Variants in ESRRG observed in about 807,000 individuals in gnomAD.
ESRRG encodes the protein estrogen-related receptor gamma.
ESRRG carries 13 observed loss-of-function variants against 44.0 expected under a neutral mutation model. The observed-to-expected ratio is 0.30, with a 90% CI of 0.19 to 0.47. ESRRG has a LOEUF of 0.47. ESRRG is among the 20% of genes least tolerant of loss of function. ESRRG has a pLI of 1.00. For synonymous variants in ESRRG, 215 were observed against 214.6 expected, an observed-to-expected ratio of 1.00 and a Z score of -0.02; for missense variants, 395 against 580.6, an observed-to-expected ratio of 0.68 and a Z score of 3.29.
At chr1:216,534,545 G>A (rs2050338389) in intron 5 of ESRRG, among the ~76,000 whole-genome samples, 1 of 152,242 alleles carries the variant, frequency 6.6e-6, no homozygotes, top group African/African-American at 2.4e-5. Context: ...ATGCTGAAAT[G>A]TAGGCAGGGA....
chr1:216,546,154 T>C (rs1164602603), intron 5 of ESRRG, among the ~76,000 whole-genome samples: 1 of 152,054 alleles, frequency 6.6e-6, no homozygotes, highest in Non-Finnish European at 1.5e-5. Flanking sequence ...GCGGCAGCTC[T>C]GGCCTCTACC....
At chr1:216,530,756 T>G (rs1359426869) in intron 5 of ESRRG, among the ~76,000 whole-genome samples, 1 of 152,242 alleles carries the variant, frequency 6.6e-6, no homozygotes, top group East Asian at 1.9e-4. Context: ...TTATAATTTC[T>G]GTACTGCCTT....
At chr1:216,664,572 A>T (rs2073385238) in intron 2 of ESRRG, among the ~76,000 whole-genome samples, 1 of 151,154 alleles carries the variant, frequency 6.6e-6, no homozygotes, top group Non-Finnish European at 1.5e-5. Context: ...TTACTTATGG[A>T]TAAGCCTAAG....
intron 5 of ESRRG, among the ~76,000 whole-genome samples, chr1:216,542,582 C>A (rs2053225727): frequency 6.6e-6 from 1 of 151,940 alleles, no homozygotes; most frequent in Admixed American, 6.6e-5. Flanking sequence ...TATTTTGTAG[C>A]ATTTGTTACA....
intron 2 of ESRRG, among the ~76,000 whole-genome samples, chr1:216,865,544 C>T (rs2096140381): frequency 6.6e-6 from 1 of 151,998 alleles, no homozygotes; most frequent in African/African-American, 2.4e-5. Context: ...GGTCTTTGTT[C>T]ATTTTTGTCT....
chr1:216,717,195 G>T (rs2152029247), intron 1 of ESRRG, among the ~76,000 whole-genome samples: 1 of 151,926 alleles, frequency 6.6e-6, no homozygotes, highest in African/African-American at 2.4e-5. Flanking sequence ...TTGAGTGGAA[G>T]ATACTTTTGG....
rs139425257 is a variant in ESRRG, at chr1:217,128,367, A to G, written c.-230+9300T>C. ...AGTTTTGTCTTAAAAATGTTTTGCA[A>G]TGATTTAGTTTCTCTGCTCTCTGAC... On this transcript the variant is annotated intron_variant, in intron 1 of 8. Transcript: ENST00000366940. Among the ~76,000 whole-genome samples the G allele has an allele frequency of 1.2e-3, 176 of 152,304 alleles. 1 individual carries two copies. Among genetic ancestry groups the G allele is most frequent in the African/African-American group, 3.5e-3 (146 of 41,560 alleles).
Position 216,723,214 on chromosome 1 carries a change from G to A in ESRRG, c.56+30C>T, listed in dbSNP as rs368328636. The A allele has an allele frequency of 1.0e-5, 16 of 1,562,890 alleles. No individual in the cohort carries two copies. The African/African-American group carries it at 1.8e-4, about 17-fold the overall frequency. On this transcript the variant is annotated intron_variant, in intron 1 of 6. Coordinates refer to ENST00000408911, the MANE Select transcript of ESRRG (RefSeq NM_001438.4). ...CCCCACCCCCGCACCCCCACGACGA[G>A]TTTAAAAAGGAAAGAAAAAAGGTAC...
At chr1:216,564,531 C>T (rs756600748) in intron 4 of ESRRG, 151 bp from the exon 5 acceptor site, 24 of 493,318 alleles carry the variant, frequency 4.9e-5, no homozygotes, top group Middle Eastern at 4.4e-4. Context: ...ATATATTAAA[C>T]GGTGTGCAGG....
intron 3 of ESRRG, among the ~76,000 whole-genome samples, chr1:216,611,706 G>C (rs897199175): frequency 2.0e-5 from 3 of 151,992 alleles, no homozygotes; most frequent in Admixed American, 6.6e-5. Context: ...AGAATCTACC[G>C]GGGGACTCTA....
At chr1:216,990,702 A>G (rs2075555627) in intron 1 of ESRRG, among the ~76,000 whole-genome samples, 1 of 152,338 alleles carries the variant, frequency 6.6e-6, no homozygotes, top group Admixed American at 6.5e-5. Flanking sequence ...TTTTCTTAAT[A>G]ACATTTTCTT....
At chr1:217,119,133 G>T (rs2092784019) in intron 1 of ESRRG, among the ~76,000 whole-genome samples, 1 of 152,164 alleles carries the variant, frequency 6.6e-6, no homozygotes, top group African/African-American at 2.4e-5. Context: ...AGAATAAAAA[G>T]AATTCTTATG....
intron 1 of ESRRG, among the ~76,000 whole-genome samples, chr1:216,960,331 A>G (rs1164398173): frequency 6.6e-6 from 1 of 152,272 alleles, no homozygotes; most frequent in East Asian, 1.9e-4. Context: ...CAAACTATCA[A>G]AGCTACCTGT....
intron 1 of ESRRG, among the ~76,000 whole-genome samples, chr1:216,680,559 A>G (rs1408606421): frequency 6.6e-6 from 1 of 152,224 alleles, no homozygotes; most frequent in Admixed American, 6.5e-5. Flanking sequence ...TGAAGGGGCC[A>G]CTGCGCTGGT....
chr1:216,531,771 G>T (rs2049434320), intron 5 of ESRRG, among the ~76,000 whole-genome samples: 1 of 152,014 alleles, frequency 6.6e-6, no homozygotes, highest in South Asian at 2.1e-4. Flanking sequence ...GGCAAATGTA[G>T]CTGCAGTTAA....
chr1:217,123,513 T>C (rs2092849359), intron 1 of ESRRG, among the ~76,000 whole-genome samples: 1 of 152,100 alleles, frequency 6.6e-6, no homozygotes, highest in Non-Finnish European at 1.5e-5. Flanking sequence ...CAAATGCTGA[T>C]CAATGATAGA....
intron 2 of ESRRG, among the ~76,000 whole-genome samples, chr1:216,873,645 C>T (rs1020850185): frequency 6.6e-6 from 1 of 151,786 alleles, no homozygotes; most frequent in African/African-American, 2.4e-5. Flanking sequence ...TTATCCTACT[C>T]AGCCACATAT....
intron 2 of ESRRG, among the ~76,000 whole-genome samples, chr1:216,896,104 A>G (rs546913059): frequency 6.6e-6 from 1 of 152,306 alleles, no homozygotes; most frequent in East Asian, 1.9e-4. Flanking sequence ...ATATACACAA[A>G]TTCTCTCCCA....
Position 217,045,696 on chromosome 1 carries a change from C to T in ESRRG, c.-106+43811G>A, listed in dbSNP as rs147566561. On this transcript the variant is annotated intron_variant, in intron 1 of 7. Coordinates refer to the ESRRG transcript ENST00000359162. ...ATGTTAACCGGGCTTTTCCTAGATACGACGGCAGTTGTCGTTTTTTTTTCA... is the reference window on the plus strand; with the variant it reads ...ATGTTAACCGGGCTTTTCCTAGATATGACGGCAGTTGTCGTTTTTTTTTCA... 3.9e-5 allele frequency among the ~76,000 whole-genome samples: 6 copies of T among 152,210 alleles called. No homozygotes were observed. In the East Asian group the frequency reaches 1.2e-3, roughly 29 times the overall value.
Sources: allele counts gnomAD v4.1 joint callset (sites outside exome capture counted in the v4.1 genomes callset), GRCh38; gene constraint gnomAD v4.1.1; transcripts MANE v1.5; gene names NCBI Gene and HGNC (gene_info 2026-07-23, HGNC 2026-07-21).